Variants in GULP1 observed in about 807,000 individuals in gnomAD.
The protein encoded by GULP1 is PTB domain-containing engulfment adapter protein 1.
Under a neutral mutation model 40.9 loss-of-function variants are expected in GULP1, and 19 were observed. The ratio of observed to expected loss-of-function variants is 0.46; its 90% CI spans 0.32 to 0.68. The LOEUF (loss-of-function observed/expected upper bound fraction) is 0.68. Among genes scored for constraint, GULP1 ranks in the 30% least tolerant of loss-of-function variants. The pLI, the probability that GULP1 is intolerant of heterozygous loss-of-function variation, is 0.03. For missense variants in GULP1, 312 were observed against 362.2 expected (o/e 0.86, Z 1.12); for synonymous variants, 119 against 117.6 (o/e 1.01, Z -0.08).
chr2:188,439,967 T>C (rs1331585287), intron 2 of GULP1, among the ~76,000 whole-genome samples: 2 of 152,172 alleles, frequency 1.3e-5, no homozygotes, highest in East Asian at 3.9e-4. Flanking sequence ...TCCTATATTT[T>C]TCCAAAATAG....
At chr2:188,382,706 C>G (rs201834005) in intron 1 of GULP1, among the ~76,000 whole-genome samples, 1 of 152,010 alleles carries the variant, frequency 6.6e-6, no homozygotes, top group Admixed American at 6.6e-5. Flanking sequence ...GCCAACATGG[C>G]GAAACCCCCT....
chr2:188,442,098 G>A (rs2057989262), intron 2 of GULP1, among the ~76,000 whole-genome samples: 1 of 152,166 alleles, frequency 6.6e-6, no homozygotes, highest in Non-Finnish European at 1.5e-5. Flanking sequence ...TAAATTATTT[G>A]TGTGAAAAGT....
intron 11 of GULP1, chr2:188,589,710 T>C (rs1027278786): frequency 3.8e-6 from 5 of 1,302,086 alleles, no homozygotes; most frequent in Non-Finnish European, 4.1e-6. Flanking sequence ...AATGTCTTTT[T>C]AAATTCTTTA....
At chr2:188,400,675 A>G (rs1004157631) in intron 2 of GULP1, among the ~76,000 whole-genome samples, 1 of 152,200 alleles carries the variant, frequency 6.6e-6, no homozygotes, top group African/African-American at 2.4e-5. Flanking sequence ...ATGCTGGAAG[A>G]AAAAAGCTAG....
At chr2:188,371,810 C>T (rs1329187102) in intron 1 of GULP1, among the ~76,000 whole-genome samples, 1 of 152,060 alleles carries the variant, frequency 6.6e-6, no homozygotes, top group African/African-American at 2.4e-5. Context: ...ATTTCTTCAT[C>T]TGTTTTCCTA....
intron 1 of GULP1, among the ~76,000 whole-genome samples, chr2:188,380,181 A>G (rs1336670451): frequency 6.6e-6 from 1 of 152,198 alleles, no homozygotes; most frequent in Non-Finnish European, 1.5e-5. Flanking sequence ...ACTAGAATAC[A>G]TAGGAAGTGA....
intron 3 of GULP1, among the ~76,000 whole-genome samples, chr2:188,481,430 G>C (rs77264704): frequency 1.8e-4 from 27 of 152,004 alleles, no homozygotes; most frequent in African/African-American, 6.3e-4. Context: ...TCATACCTGA[G>C]GATATGTAAT....
At chr2:188,344,926 A>G (rs1217461747) in intron 1 of GULP1, among the ~76,000 whole-genome samples, 1 of 152,218 alleles carries the variant, frequency 6.6e-6, no homozygotes, top group East Asian at 1.9e-4. Context: ...ATAAATAGAT[A>G]TGTCTTGCAA....
At chr2:188,543,174 T>C (rs1690982017) in intron 7 of GULP1, among the ~76,000 whole-genome samples, 1 of 152,092 alleles carries the variant, frequency 6.6e-6, no homozygotes, top group Non-Finnish European at 1.5e-5. Flanking sequence ...GCATGTACCC[T>C]AAAACTTAAA....
chr2:188,497,927 G>A (rs745632825), intron 4 of GULP1, among the ~76,000 whole-genome samples: 1 of 151,918 alleles, frequency 6.6e-6, no homozygotes, highest in South Asian at 2.1e-4. Flanking sequence ...AACAGCATAT[G>A]GGGGAGGAAT....
At chr2:188,480,335 A>G (rs1288506139) in intron 3 of GULP1, among the ~76,000 whole-genome samples, 1 of 152,040 alleles carries the variant, frequency 6.6e-6, no homozygotes, top group Non-Finnish European at 1.5e-5. Context: ...TATCAGTAAA[A>G]GCTTATCTCT....
chr2:188,403,997 G>T (rs2052687795), intron 2 of GULP1, among the ~76,000 whole-genome samples: 1 of 152,110 alleles, frequency 6.6e-6, no homozygotes, highest in Admixed American at 6.5e-5. Context: ...TTTTCAGTGT[G>T]TCTCACCATT....
chr2:188,389,569 G>A (rs2050242298), intron 2 of GULP1, among the ~76,000 whole-genome samples: 1 of 151,958 alleles, frequency 6.6e-6, no homozygotes, highest in African/African-American at 2.4e-5. Context: ...ACCTCCTAGA[G>A]GTACCTTATA....
intron 1 of GULP1, among the ~76,000 whole-genome samples, chr2:188,378,206 C>T (rs1043126431): frequency 6.6e-6 from 1 of 151,264 alleles, no homozygotes; most frequent in African/African-American, 2.4e-5. Flanking sequence ...TAACACTTTC[C>T]AGGCCAGCTA....
chr2:188,386,741 A>G (rs2049813510), intron 2 of GULP1, among the ~76,000 whole-genome samples: 1 of 152,200 alleles, frequency 6.6e-6, no homozygotes. Flanking sequence ...AACAAGTTAA[A>G]GTTTTCATTA....
At chr2:188,428,279 G>A (rs2056456732) in intron 2 of GULP1, among the ~76,000 whole-genome samples, 1 of 152,102 alleles carries the variant, frequency 6.6e-6, no homozygotes, top group Admixed American at 6.5e-5. Flanking sequence ...TTTTGACCTT[G>A]GATTTTTGAC....
At chr2:188,397,196 G>C (rs969010709) in intron 2 of GULP1, among the ~76,000 whole-genome samples, 1 of 152,166 alleles carries the variant, frequency 6.6e-6, no homozygotes, top group Non-Finnish European at 1.5e-5. Flanking sequence ...GTCTTTCCAA[G>C]TGAGTGAGGC....
intron 4 of GULP1, among the ~76,000 whole-genome samples, chr2:188,513,953 G>A (rs920536329): frequency 4.0e-5 from 6 of 151,710 alleles, no homozygotes; most frequent in Admixed American, 2.6e-4. Context: ...CCATATCTGC[G>A]TGGGTTTTCT....
intron 1 of GULP1, among the ~76,000 whole-genome samples, chr2:188,320,039 C>A (rs1268352731): frequency 1.3e-5 from 2 of 152,030 alleles, no homozygotes; most frequent in Non-Finnish European, 2.9e-5. Flanking sequence ...ACCCACTAGA[C>A]ACCAGCACAG....
Sources: allele counts gnomAD v4.1 joint callset (sites outside exome capture counted in the v4.1 genomes callset), GRCh38; gene constraint gnomAD v4.1.1; transcripts MANE v1.5; gene names NCBI Gene and HGNC (gene_info 2026-07-23, HGNC 2026-07-21).